The following ENTPD1 variants were observed in gnomAD, a reference collection of about 807,000 sequenced individuals.
ENTPD1 encodes the protein ectonucleoside triphosphate diphosphohydrolase 1.
In ENTPD1, 33 loss-of-function variants were observed where a neutral mutation model predicts 57.0. The observed-to-expected ratio is 0.58, with a 90% confidence interval of 0.44 to 0.77. The LOEUF is 0.77. Among genes scored for constraint, ENTPD1 ranks in the 30% least tolerant of loss-of-function variants. The pLI, the probability that ENTPD1 is intolerant of heterozygous loss-of-function variation, is 0.00. For missense variants in ENTPD1, 501 were observed against 603.4 expected (o/e 0.83, Z 1.78); for synonymous variants, 202 against 218.8 (o/e 0.92, Z 0.68).
chr10:95,780,753 G>C (rs1255678505), intron 1 of ENTPD1, among the ~76,000 whole-genome samples: 1 of 152,168 alleles, frequency 6.6e-6, no homozygotes, highest in Non-Finnish European at 1.5e-5. Flanking sequence ...CAGCTGTAGG[G>C]GCATCAGGGA....
In ENTPD1 at chr10:95,758,002, CAAAAAAAAAAAA is replaced by C. The variant is rs57407553; in HGVS notation, c.16+1764_16+1775del. Among the ~76,000 whole-genome samples the C allele has an allele frequency of 3.4e-4, 9 of 26,412 alleles. No homozygotes were observed. The South Asian group carries it at 0.021, about 61-fold the overall frequency. The allele number at this position is 26,412 out of a possible 152,430, so 17.3% of individuals were successfully genotyped here. On this transcript the variant is annotated intron_variant, in intron 1 of 9. Transcript: ENST00000371205. ...CCTGGGCGAGAGTGAGACACTGTCTCAAAAAAAAAAAAAAAAAAAAAAAAAAAAGATTTGGAC... is the reference window on the plus strand; with the variant it reads ...CCTGGGCGAGAGTGAGACACTGTCTCAAAAAAAAAAAAAAAAGATTTGGAC...
At chr10:95,699,610 AAAAAAG>A in the ENTPD1 span, among the ~76,000 whole-genome samples, 1 of 116,438 alleles carries the variant, frequency 8.6e-6, no homozygotes, top group Non-Finnish European at 2.1e-5. Context: ...CCTGTCCAAA[AAAAAAG>A]AAAGAGAGAG....
intron 7 of ENTPD1, among the ~76,000 whole-genome samples, chr10:95,848,834 G>A (rs1167077899): frequency 2.0e-5 from 3 of 152,154 alleles, no homozygotes; most frequent in East Asian, 3.8e-4. Context: ...ACTAATTATT[G>A]TTTATCACCT....
intron 1 of ENTPD1, among the ~76,000 whole-genome samples, chr10:95,717,337 GTTTTTT>G (rs10609572): frequency 5.6e-5 from 7 of 125,950 alleles, no homozygotes; most frequent in Non-Finnish European, 1.2e-4. Flanking sequence ...GATCTGCAGG[GTTTTTT>G]TTTTTTTTTT....
chr10:95,771,070 T>G (rs1397079061), intron 1 of ENTPD1, among the ~76,000 whole-genome samples: 1 of 152,150 alleles, frequency 6.6e-6, no homozygotes, highest in African/African-American at 2.4e-5. Flanking sequence ...TTTTTAGTAT[T>G]TATTTTCTAC....
upstream of ENTPD1, among the ~76,000 whole-genome samples, chr10:95,708,029 G>T (rs555519526): frequency 5.7e-4 from 86 of 152,106 alleles, no homozygotes; most frequent in African/African-American, 1.9e-3. Context: ...AAATTAGATT[G>T]TCAACAATGA....
intron 1 of ENTPD1, among the ~76,000 whole-genome samples, chr10:95,728,206 A>G (rs1312619883): frequency 6.6e-6 from 1 of 152,234 alleles, no homozygotes; most frequent in East Asian, 1.9e-4. Context: ...TTATCTATTA[A>G]TAGCCTACTA....
the ENTPD1 span, among the ~76,000 whole-genome samples, chr10:95,699,629 T>A: frequency 6.7e-6 from 1 of 148,638 alleles, no homozygotes; most frequent in African/African-American, 2.5e-5. Flanking sequence ...AGAGAGAGAT[T>A]GAGAGAGAGA....
upstream of ENTPD1, chr10:95,756,136 ATC>A (rs750404129): frequency 5.2e-6 from 8 of 1,551,378 alleles, no homozygotes; most frequent in African/African-American, 5.5e-5. Flanking sequence ...GGTCTGTTAT[ATC>A]TCTGTTTCCT....
upstream of ENTPD1, chr10:95,753,217 C>T (rs929049200): frequency 6.6e-5 from 10 of 151,876 alleles, no homozygotes; most frequent in African/African-American, 9.7e-5. Flanking sequence ...TTGAGAAAGA[C>T]GATTTATTTT....
intron 1 of ENTPD1, among the ~76,000 whole-genome samples, chr10:95,777,447 G>A (rs560090703): frequency 9.2e-5 from 14 of 152,314 alleles, no homozygotes; most frequent in African/African-American, 2.9e-4. Context: ...CTGTTTTTCT[G>A]GGTATCACCA....
At chr10:95,831,387 A>G (rs771822592) in intron 2 of ENTPD1, among the ~76,000 whole-genome samples, 6 of 152,222 alleles carry the variant, frequency 3.9e-5, no homozygotes, top group Non-Finnish European at 8.8e-5. Context: ...TTAGGGTCAC[A>G]GGAGTTAACC....
Position 95,876,638 on chromosome 10 carries a change from G to C in ENTPD1, c.*10255G>C, listed in dbSNP as rs902588252. 4.9e-6 allele frequency: 6 copies of C among 1,228,796 alleles called. No homozygotes were observed. In the Admixed American group the frequency reaches 2.1e-4, roughly 43 times the overall value. The allele number at this position is 1,228,796 out of a possible 1,614,324, so 76.1% of individuals were successfully genotyped here. On this transcript the variant is annotated 3_prime_UTR_variant, in exon 10 of 10. Coordinates refer to ENST00000371205, the MANE Select transcript of ENTPD1 (RefSeq NM_001776.6). ...TGAAGTCTGTTTGAAGGATGTATTT[G>C]GCTGTCTTCTGGACAGGCCATTCTA...
At chr10:95,774,941 T>C (rs964237413) in intron 1 of ENTPD1, among the ~76,000 whole-genome samples, 1 of 152,236 alleles carries the variant, frequency 6.6e-6, no homozygotes, top group African/African-American at 2.4e-5. Flanking sequence ...ATTTTCATGA[T>C]ATTGATTCTT....
chr10:95,780,078 A>G (rs1427835848), intron 1 of ENTPD1, among the ~76,000 whole-genome samples: 2 of 152,220 alleles, frequency 1.3e-5, no homozygotes, highest in African/African-American at 4.8e-5. Context: ...TATGCCAATT[A>G]TAGCTGATGT....
chr10:95,733,769 T>C (rs2097991722), intron 1 of ENTPD1, among the ~76,000 whole-genome samples: 1 of 152,210 alleles, frequency 6.6e-6, no homozygotes, highest in South Asian at 2.1e-4. Context: ...GAAGAAATGA[T>C]AACATAAGTG....
intron 1 of ENTPD1, among the ~76,000 whole-genome samples, chr10:95,717,338 T>G (rs1270877644): frequency 1.2e-4 from 1 of 8,416 alleles, no homozygotes; most frequent in African/African-American, 2.1e-4. Flanking sequence ...ATCTGCAGGG[T>G]TTTTTTTTTT....
At position 95,866,200 on chromosome 10, in the gene ENTPD1, G is replaced by A; in HGVS notation, c.1350G>A (p.Trp450Ter). The A allele has an allele frequency of 6.2e-7, 1 of 1,614,062 alleles. No individual in the cohort carries two copies. Among genetic ancestry groups the A allele is most frequent in the Non-Finnish European group, 8.5e-7 (1 of 1,179,996 alleles). ...IGKIQGSDAG[W>*]TLGYMLNLTN... ...AGATCCAGGGCAGCGACGCCGGCTG[G>A]ACTTTGGGCTACATGCTGAACCTGA... The change falls in exon 10 of 10, where the codon TGG becomes TGA. Residue 450 changes from tryptophan to a stop codon, truncating the protein, a stop_gained. Coordinates refer to ENST00000371205, the MANE Select transcript of ENTPD1 (RefSeq NM_001776.6). LOFTEE classifies it high-confidence loss of function.
intron 1 of ENTPD1, among the ~76,000 whole-genome samples, chr10:95,726,259 A>G (rs754552949): frequency 6.6e-6 from 1 of 152,190 alleles, no homozygotes; most frequent in Non-Finnish European, 1.5e-5. Context: ...TATCATCTAC[A>G]TATACTAGAA....
Sources: allele counts gnomAD v4.1 joint callset (sites outside exome capture counted in the v4.1 genomes callset), GRCh38; gene constraint gnomAD v4.1.1; transcripts MANE v1.5; gene names NCBI Gene and HGNC (gene_info 2026-07-23, HGNC 2026-07-21).